LSAMP: variants seen among roughly 807,000 people sequenced by gnomAD.
The protein encoded by LSAMP is limbic system associated membrane protein.
A neutral mutation model predicts 38.6 loss-of-function variants in LSAMP; 7 were observed. That is an observed-to-expected ratio of 0.18 (90% CI 0.10 to 0.34). The LOEUF (loss-of-function observed/expected upper bound fraction) is 0.34. LSAMP is among the 10% of genes least tolerant of loss of function. LSAMP has a pLI of 1.00. For missense variants in LSAMP, 313 were observed against 420.0 expected, an observed-to-expected ratio of 0.75 and a Z score of 2.23; for synonymous variants, 154 against 166.8, an observed-to-expected ratio of 0.92 and a Z score of 0.59.
intron 1 of LSAMP, among the ~76,000 whole-genome samples, chr3:116,159,895 A>G (rs1403063943): frequency 1.3e-5 from 2 of 152,048 alleles, no homozygotes; most frequent in Non-Finnish European, 2.9e-5. Flanking sequence ...CTACAAAGCC[A>G]TAAAAAAAGA....
At chr3:116,201,224 T>A (rs1322971752) in intron 1 of LSAMP, among the ~76,000 whole-genome samples, 1 of 152,148 alleles carries the variant, frequency 6.6e-6, no homozygotes, top group African/African-American at 2.4e-5. Context: ...GCCCAGACTG[T>A]TAATTGCCAT....
At chr3:116,324,559 A>C (rs1207722630) in intron 1 of LSAMP, among the ~76,000 whole-genome samples, 1 of 152,162 alleles carries the variant, frequency 6.6e-6, no homozygotes, top group African/African-American at 2.4e-5. Flanking sequence ...TACTAGAGTC[A>C]TAATCTATTC....
chr3:115,918,629 C>T (rs1210200174), intron 3 of LSAMP, among the ~76,000 whole-genome samples: 1 of 151,872 alleles, frequency 6.6e-6, no homozygotes, highest in Admixed American at 6.6e-5. Context: ...TGAACTGCAA[C>T]TCTCAGTGGC....
chr3:116,224,388 A>T (rs71323436), intron 1 of LSAMP, among the ~76,000 whole-genome samples: 124 of 152,296 alleles, frequency 8.1e-4, no homozygotes, highest in Non-Finnish European at 1.5e-3. Context: ...ACTTCTTTTT[A>T]AAAAATGCAT....
intron 3 of LSAMP, among the ~76,000 whole-genome samples, chr3:115,971,036 A>G (rs1352204353): frequency 1.3e-5 from 2 of 152,154 alleles, no homozygotes; most frequent in Non-Finnish European, 2.9e-5. Flanking sequence ...AGCTTCTCCA[A>G]GGCATGCCAG....
At chr3:116,090,930 T>A (rs968026565) in intron 1 of LSAMP, among the ~76,000 whole-genome samples, 1 of 152,212 alleles carries the variant, frequency 6.6e-6, no homozygotes, top group Admixed American at 6.5e-5. Context: ...TCGGGCACCA[T>A]TGTCATTGAT....
intron 1 of LSAMP, among the ~76,000 whole-genome samples, chr3:116,435,971 C>T (rs1275959174): frequency 6.6e-6 from 1 of 151,900 alleles, no homozygotes; most frequent in South Asian, 2.1e-4. Context: ...GGCAGAGGTA[C>T]CAGAAAAAAA....
At chr3:116,117,209 A>G (rs1356338752) in intron 1 of LSAMP, among the ~76,000 whole-genome samples, 2 of 152,202 alleles carry the variant, frequency 1.3e-5, no homozygotes, top group African/African-American at 2.4e-5. Flanking sequence ...TGATGATTGG[A>G]AACTCTGAGT....
At chr3:116,392,784 A>G (rs1022332423) in intron 1 of LSAMP, among the ~76,000 whole-genome samples, 3 of 152,196 alleles carry the variant, frequency 2.0e-5, no homozygotes, top group Admixed American at 2.0e-4. Context: ...GAGGCTCATA[A>G]AAACCCAGGA....
chr3:115,913,218 A>G (rs1314064169), intron 3 of LSAMP, among the ~76,000 whole-genome samples: 1 of 152,238 alleles, frequency 6.6e-6, no homozygotes, highest in Non-Finnish European at 1.5e-5. Context: ...TTAAATTAAG[A>G]GAAAAAAACT....
intron 3 of LSAMP, among the ~76,000 whole-genome samples, chr3:115,998,849 T>C (rs1397968571): frequency 6.6e-6 from 1 of 152,098 alleles, no homozygotes; most frequent in Non-Finnish European, 1.5e-5. Context: ...TAGGATAACA[T>C]CTATCTCCTC....
chr3:115,847,557 C>T (rs775911055), intron 4 of LSAMP, among the ~76,000 whole-genome samples: 6 of 152,136 alleles, frequency 3.9e-5, no homozygotes, highest in African/African-American at 1.4e-4. Context: ...ATAATCCCCA[C>T]GTGTCAAAGA....
At position 116,144,800 on chromosome 3, in the gene LSAMP, G is replaced by T. The variant is rs1482887561; in HGVS notation, c.156-58244C>A. On this transcript the variant is annotated intron_variant, in intron 1 of 6. Transcript: ENST00000490035. ...TCAAATTTCCCGGGTGCTTTTGTTT[G>T]TTTCAAACTTTCTATGTTCTAGGTA... Among the ~76,000 whole-genome samples the T allele has an allele frequency of 4.0e-5, 6 of 151,628 alleles. No homozygotes were observed. The South Asian group carries it at 6.2e-4, about 16-fold the overall frequency.
chr3:116,063,199 T>C (rs1254443938), intron 2 of LSAMP, among the ~76,000 whole-genome samples: 1 of 152,188 alleles, frequency 6.6e-6, no homozygotes, highest in African/African-American at 2.4e-5. Flanking sequence ...TATCTATTTA[T>C]GGTGTCTTGA....
rs1008193175 is a variant in LSAMP, at chr3:116,109,785, G to A, written c.156-23229C>T. 1.3e-5 allele frequency among the ~76,000 whole-genome samples: 2 copies of A among 151,820 alleles called. 1 individual carries two copies. The highest frequency in any genetic ancestry group is 2.9e-5 in the Non-Finnish European group (2 of 67,980). On this transcript the variant is annotated intron_variant, in intron 1 of 6. Transcript: ENST00000490035. ...TGGAGGGTGGAAGGTTGCCCATAGT[G>A]AAGGAGGCAAACCTAGAGAAAAGAG...
chr3:115,818,790 TTATATATATA>T lies in LSAMP; in HGVS notation c.920-8386_920-8377del, dbSNP rs66654115. Among the ~76,000 whole-genome samples the T allele has an allele frequency of 3.9e-4, 27 of 69,786 alleles. 2 individuals carry two copies. The highest frequency in any genetic ancestry group is 1.5e-3 in the South Asian group (2 of 1,322). The allele number at this position is 69,786 out of a possible 152,430, so 45.8% of individuals were successfully genotyped here. A position where few individuals can be genotyped will look rare whatever the true frequency, so the allele number is the denominator to read the frequency against. On this transcript the variant is annotated intron_variant, in intron 6 of 6. Transcript: ENST00000490035. ...ATAAGAAAGAAGGAAAGTTGTACTT[TTATATATATA>T]TATATATATATATATATATATAACT...
intron 1 of LSAMP, among the ~76,000 whole-genome samples, chr3:116,211,378 A>G (rs2046154113): frequency 6.6e-6 from 1 of 152,218 alleles, no homozygotes. Flanking sequence ...TATGTGAGGT[A>G]ATGCATATGT....
chr3:115,937,515 C>T (rs1937743777), intron 3 of LSAMP, among the ~76,000 whole-genome samples: 1 of 151,920 alleles, frequency 6.6e-6, no homozygotes, highest in African/African-American at 2.4e-5. Flanking sequence ...GTAGTGCACA[C>T]CCATGGTCCC....
At chr3:116,025,907 C>A (rs35080450) in intron 2 of LSAMP, among the ~76,000 whole-genome samples, 18,836 of 152,098 alleles carry the variant, frequency 0.12, 1,411 homozygotes, top group Non-Finnish European at 0.18. Flanking sequence ...GGGTAATATT[C>A]TTTATTGAAA....
Sources: allele counts gnomAD v4.1 joint callset (sites outside exome capture counted in the v4.1 genomes callset), GRCh38; gene constraint gnomAD v4.1.1; transcripts MANE v1.5; gene names NCBI Gene and HGNC (gene_info 2026-07-23, HGNC 2026-07-21).